B4GALNT2: variants seen among roughly 807,000 people sequenced by gnomAD.
B4GALNT2 encodes beta-1,4-N-acetyl-galactosaminyltransferase 2 (SID blood group).
B4GALNT2 carries 42 observed loss-of-function variants against 51.1 expected under a neutral mutation model. That is an observed-to-expected ratio of 0.82 (90% CI 0.64 to 1.06). The LOEUF (loss-of-function observed/expected upper bound fraction) is 1.06. Ranked by LOEUF, B4GALNT2 falls within the 50% of genes least tolerant of loss-of-function variation. The pLI is 0.00. For synonymous variants in B4GALNT2, 253 were observed against 251.7 expected (o/e 1.01, Z -0.05); for missense variants, 602 against 633.6 (o/e 0.95, Z 0.54).
upstream of B4GALNT2, among the ~76,000 whole-genome samples, chr17:49,129,737 G>A (rs1416292489): frequency 6.6e-6 from 1 of 151,974 alleles, no homozygotes; most frequent in Non-Finnish European, 1.5e-5. Flanking sequence ...TTGCAGGGTT[G>A]GAATGTCTCT....
chr17:49,132,465 C>T, upstream of B4GALNT2: 1 of 321,976 alleles, frequency 3.1e-6, no homozygotes, highest in Non-Finnish European at 5.6e-6. Flanking sequence ...GGGTCAAGGC[C>T]GCGAGGTTGG....
the B4GALNT2 span, among the ~76,000 whole-genome samples, chr17:49,125,702 TGG>T: frequency 0.5 from 57,650 of 115,416 alleles, 14,155 homozygotes; most frequent in Middle Eastern, 0.62. Flanking sequence ...GGGAGGGAGG[TGG>T]GGGTCGGCCC....
At chr17:49,124,582 T>C in the B4GALNT2 span, among the ~76,000 whole-genome samples, 4 of 152,198 alleles carry the variant, frequency 2.6e-5, no homozygotes, top group Non-Finnish European at 5.9e-5. Flanking sequence ...ACCAATAACA[T>C]ATTTATACAA....
chr17:49,169,004 C>A, intron 10 of B4GALNT2, 104 bp downstream of exon 10: 2 of 1,197,026 alleles, frequency 1.7e-6, no homozygotes, highest in Non-Finnish European at 2.4e-6. Context: ...TAGTCGCTTG[C>A]CCAGTAGCAG....
the B4GALNT2 span, among the ~76,000 whole-genome samples, chr17:49,126,893 A>G: frequency 6.6e-6 from 1 of 152,168 alleles, no homozygotes; most frequent in Non-Finnish European, 1.5e-5. Flanking sequence ...CAGTAGAGAC[A>G]GAGTTTCACC....
At chr17:49,133,943 A>G (rs1395769329) in intron 1 of B4GALNT2, among the ~76,000 whole-genome samples, 1 of 151,818 alleles carries the variant, frequency 6.6e-6, no homozygotes, top group Non-Finnish European at 1.5e-5. Flanking sequence ...ACAAACAAAC[A>G]AACAAACAAA....
rs2042648429 is a variant in B4GALNT2 at position 49,142,021 on chromosome 17, C to T, written c.216-14C>T. 1.9e-6 allele frequency: 3 copies of T among 1,613,930 alleles called. No individual in the cohort carries two copies. The highest frequency in any genetic ancestry group is 1.7e-4 in the Middle Eastern group (1 of 5,870). On this transcript the variant is annotated splice_polypyrimidine_tract_variant and intron_variant, in intron 2 of 10. Transcript: ENST00000393354. ...CCACCCAATCCATGTTTACAGTCCT[C>T]TTGCTTGTTTCAGGCTGTTCCCGAA...
chr17:49,129,976 G>A (rs1253257285), upstream of B4GALNT2, among the ~76,000 whole-genome samples: 3 of 152,206 alleles, frequency 2.0e-5, no homozygotes, highest in Non-Finnish European at 4.4e-5. Flanking sequence ...CAGGGTAGCA[G>A]CAGGGCAGCT....
rs182439731 is a variant in B4GALNT2, at chr17:49,174,681, C to T, written c.*4953C>T. On this transcript the variant is annotated 3_prime_UTR_variant, in exon 11 of 11. Coordinates refer to ENST00000393354, the MANE Select transcript of B4GALNT2 (RefSeq NM_001159387.2). Reference sequence around the variant, plus strand: ...TTTTCTAATTGTTCAGTAACTAAGTCCTCTGAGCCTCCAGTTTCTCTTTAC... The same window carrying T: ...TTTTCTAATTGTTCAGTAACTAAGTTCTCTGAGCCTCCAGTTTCTCTTTAC... The T allele has an allele frequency of 1.7e-3, 266 of 152,248 alleles. 1 individual carries two copies. Among genetic ancestry groups the T allele is most frequent in the African/African-American group, 6.2e-3 (258 of 41,532 alleles). The allele number at this position is 152,248 out of a possible 1,614,324, so 9.4% of individuals were successfully genotyped here.
the B4GALNT2 span, among the ~76,000 whole-genome samples, chr17:49,120,484 CTGTGTG>C: frequency 0.091 from 13,067 of 143,768 alleles, 636 homozygotes; most frequent in Non-Finnish European, 0.12. Flanking sequence ...GTGTGTGTGT[CTGTGTG>C]TGTGTGTGTG....
upstream of B4GALNT2, among the ~76,000 whole-genome samples, chr17:49,131,461 C>A (rs1234625625): frequency 8.7e-5 from 3 of 34,382 alleles, no homozygotes; most frequent in East Asian, 1.4e-3. Flanking sequence ...TCCCAGACTC[C>A]GAAAAAAAAA....
intron 3 of B4GALNT2, among the ~76,000 whole-genome samples, chr17:49,150,087 C>A (rs928254590): frequency 3.9e-5 from 6 of 152,150 alleles, no homozygotes; most frequent in African/African-American, 1.4e-4. Flanking sequence ...GTCAGCCCCC[C>A]ACCTGGCCAG....
chr17:49,124,563 G>C, the B4GALNT2 span, among the ~76,000 whole-genome samples: 3 of 152,056 alleles, frequency 2.0e-5, no homozygotes, highest in Non-Finnish European at 4.4e-5. Flanking sequence ...CCATAACTTT[G>C]GAACACATAC....
At chr17:49,125,441 T>C in the B4GALNT2 span, among the ~76,000 whole-genome samples, 1 of 152,190 alleles carries the variant, frequency 6.6e-6, no homozygotes, top group Non-Finnish European at 1.5e-5. Flanking sequence ...ATTACAGACA[T>C]GAGCCACTGT....
chr17:49,135,948 A>G (rs1163890650), intron 1 of B4GALNT2, among the ~76,000 whole-genome samples: 2 of 151,002 alleles, frequency 1.3e-5, no homozygotes, highest in African/African-American at 4.9e-5. Flanking sequence ...CCAGGTGTGG[A>G]GGTGCGTGCC....
At chr17:49,135,801 C>T (rs531762161) in intron 1 of B4GALNT2, among the ~76,000 whole-genome samples, 1 of 151,440 alleles carries the variant, frequency 6.6e-6, no homozygotes, top group South Asian at 2.1e-4. Flanking sequence ...TGGTGGCTCA[C>T]GCCTGTAATC....
Position 49,142,115 on chromosome 17 carries a change from G to A in B4GALNT2, c.296G>A (p.Ser99Asn), listed in dbSNP as rs776219183. ...AACTTTCAGGATGCCTATGGCCAGA[G>A]CGACCTCCCAGCGGTGAAAGCGAGG... ...GYNFQDAYGQ[S>N]DLPAVKARRQ... Residue 99 changes from serine (S) to asparagine (N), a missense_variant, in exon 3 of 11, where the codon AGC becomes AAC. By Grantham distance (46) the Ser-to-Asn change is conservative. Coordinates refer to ENST00000393354, the MANE Select transcript of B4GALNT2 (RefSeq NM_001159387.2). 7 of 1,614,000 alleles carry A rather than the reference G, an allele frequency of 4.3e-6. No homozygotes were observed. In the African/African-American group the frequency reaches 9.3e-5, roughly 22 times the overall value.
Position 49,175,755 on chromosome 17 carries a change from T to G in B4GALNT2, c.*6027T>G, listed in dbSNP as rs1348915659. 1 of 152,176 alleles carries G rather than the reference T, an allele frequency of 6.6e-6. No individual in the cohort carries two copies. The highest frequency in any genetic ancestry group is 1.5e-5 in the Non-Finnish European group (1 of 68,052). The allele number at this position is 152,176 out of a possible 1,614,324, so 9.4% of individuals were successfully genotyped here. ...CTAGCTGGCTCAATTCCTGCCTGAATAGAACTGAGAGCAGTCACTCGAGGC... is the reference window on the plus strand; with the variant it reads ...CTAGCTGGCTCAATTCCTGCCTGAAGAGAACTGAGAGCAGTCACTCGAGGC... On this transcript the variant is annotated 3_prime_UTR_variant, in exon 11 of 11. Coordinates refer to ENST00000393354, the MANE Select transcript of B4GALNT2 (RefSeq NM_001159387.2).
chr17:49,147,290 C>A (rs1296206053), intron 3 of B4GALNT2, among the ~76,000 whole-genome samples: 1 of 152,116 alleles, frequency 6.6e-6, no homozygotes, highest in African/African-American at 2.4e-5. Context: ...TAAAAAGCAG[C>A]ATGTGTAATG....
Sources: allele counts gnomAD v4.1 joint callset (sites outside exome capture counted in the v4.1 genomes callset), GRCh38; gene constraint gnomAD v4.1.1; transcripts MANE v1.5; gene names NCBI Gene and HGNC (gene_info 2026-07-23, HGNC 2026-07-21).